The following DAB1 variants were observed in gnomAD, a reference collection of about 807,000 sequenced individuals.
DAB1 encodes disabled homolog 1.
In DAB1, 15 loss-of-function variants were observed where a neutral mutation model predicts 64.6. The ratio of observed to expected loss-of-function variants is 0.23; its 90% CI spans 0.16 to 0.36. DAB1 has a LOEUF of 0.36. Ranked by LOEUF, DAB1 falls within the 10% of genes least tolerant of loss-of-function variation. The probability of loss-of-function intolerance (pLI) is 1.00; values close to 1 mark genes in which losing one functional copy is unlikely to be tolerated. For synonymous variants in DAB1, 235 were observed against 251.9 expected, an observed-to-expected ratio of 0.93 and a Z score of 0.64; for missense variants, 596 against 706.7, an observed-to-expected ratio of 0.84 and a Z score of 1.78.
Position 57,023,652 on chromosome 1 carries a change from G to C in DAB1, c.787-13C>G, listed in dbSNP as rs755560939. The C allele has an allele frequency of 1.3e-6, 2 of 1,555,524 alleles. No homozygotes were observed. Among genetic ancestry groups the C allele is most frequent in the Middle Eastern group, 1.7e-4 (1 of 5,980 alleles). On this transcript the variant is annotated splice_polypyrimidine_tract_variant and intron_variant, in intron 10 of 14. Transcript: ENST00000371236. ...GAGTTGCAGGAGTCTGCCAGACAGA[G>C]AGAGGCAGAGGACACATGAGACCTG...
Position 57,286,620 on chromosome 1 carries a change from A to G in DAB1, c.67+4344T>C, listed in dbSNP as rs1467344877. On this transcript the variant is annotated intron_variant, in intron 2 of 14. Transcript: ENST00000371236. ...TTTAAAAAGTTAAATAATTGTAAAG[A>G]AAGTTAATATTTTCCAGAAATAGTC... Among the ~76,000 whole-genome samples, 3 of 152,244 alleles carry G rather than the reference A, an allele frequency of 2.0e-5. No individual in the cohort carries two copies. The East Asian group carries it at 5.8e-4, about 29-fold the overall frequency.
chr1:57,554,374 G>C (rs973586675), intron 7 of DAB1, among the ~76,000 whole-genome samples: 4 of 152,198 alleles, frequency 2.6e-5, no homozygotes, highest in Admixed American at 2.0e-4. Context: ...TGTAAAGTAG[G>C]CTACCTCTTT....
upstream of DAB1, among the ~76,000 whole-genome samples, chr1:57,886,650 T>C (rs1377991148): frequency 6.6e-6 from 1 of 152,204 alleles, no homozygotes; most frequent in East Asian, 1.9e-4. Flanking sequence ...AGTCACTATT[T>C]GCATGTCTTC....
chr1:58,402,184 A>C (rs1163363126), intron 3 of DAB1, among the ~76,000 whole-genome samples: 1 of 151,510 alleles, frequency 6.6e-6, no homozygotes, highest in Non-Finnish European at 1.5e-5. Context: ...CTCCAACTCC[A>C]CTCCAGCCGT....
intron 7 of DAB1, among the ~76,000 whole-genome samples, chr1:57,618,234 G>T (rs546788100): frequency 6.6e-6 from 1 of 152,104 alleles, no homozygotes; most frequent in South Asian, 2.1e-4. Flanking sequence ...AGCCAACATG[G>T]TGAAACCCCA....
At chr1:57,337,014 T>G (rs1677134262) in intron 1 of DAB1, among the ~76,000 whole-genome samples, 1 of 152,138 alleles carries the variant, frequency 6.6e-6, no homozygotes, top group East Asian at 1.9e-4. Context: ...TGTTATCCAA[T>G]CAGTGACACT....
chr1:57,005,023 A>C (rs1646015190), intron 14 of DAB1, among the ~76,000 whole-genome samples: 1 of 152,288 alleles, frequency 6.6e-6, no homozygotes, highest in Admixed American at 6.5e-5. Flanking sequence ...GGCCACTTTG[A>C]GTCTGAAAGT....
intron 2 of DAB1, among the ~76,000 whole-genome samples, chr1:57,179,432 G>T (rs1227213265): frequency 6.6e-6 from 1 of 152,198 alleles, no homozygotes; most frequent in Non-Finnish European, 1.5e-5. Context: ...GACAACAATA[G>T]GTGAGAAGTC....
intron 4 of DAB1, among the ~76,000 whole-genome samples, chr1:57,078,330 A>G (rs911968716): frequency 6.6e-6 from 1 of 152,220 alleles, no homozygotes; most frequent in African/African-American, 2.4e-5. Context: ...TGCAATTCAC[A>G]TCCAAGCTCT....
At chr1:57,571,849 G>A (rs541908613) in intron 7 of DAB1, among the ~76,000 whole-genome samples, 53 of 152,318 alleles carry the variant, frequency 3.5e-4, no homozygotes, top group Admixed American at 3.2e-3. Flanking sequence ...AGTCACTGTG[G>A]GGAAAGGCTC....
At chr1:57,129,278 C>T (rs907095268) in intron 4 of DAB1, among the ~76,000 whole-genome samples, 27 of 152,070 alleles carry the variant, frequency 1.8e-4, no homozygotes, top group Admixed American at 1.8e-3. Context: ...AGGCAGGTTC[C>T]TGACAGTGCC....
At chr1:57,472,665 C>G (rs921578958) in intron 7 of DAB1, among the ~76,000 whole-genome samples, 4 of 152,144 alleles carry the variant, frequency 2.6e-5, no homozygotes, top group Non-Finnish European at 4.4e-5. Flanking sequence ...CGCGCACCCC[C>G]TTAGAGTTGT....
chr1:57,983,297 T>C (rs979356655), intron 5 of DAB1, among the ~76,000 whole-genome samples: 32 of 152,250 alleles, frequency 2.1e-4, no homozygotes, highest in African/African-American at 7.7e-4. Context: ...AGCCCACATA[T>C]AAAGCTTGTG....
chr1:57,056,333 TAAAAAA>T (rs903018252), intron 9 of DAB1, among the ~76,000 whole-genome samples: 32 of 117,290 alleles, frequency 2.7e-4, no homozygotes, highest in Non-Finnish European at 4.4e-4. Flanking sequence ...TCCTCATCTT[TAAAAAA>T]AAAAAAAAAA....
chr1:57,601,465 G>C (rs1478647793), intron 7 of DAB1, among the ~76,000 whole-genome samples: 1 of 152,126 alleles, frequency 6.6e-6, no homozygotes. Context: ...CTACTTGGGA[G>C]GCTGAGGTAT....
intron 4 of DAB1, among the ~76,000 whole-genome samples, chr1:58,322,131 A>G (rs1308200484): frequency 1.3e-5 from 2 of 152,246 alleles, no homozygotes; most frequent in Non-Finnish European, 2.9e-5. Context: ...TAAAACCATA[A>G]AAACCCTAGA....
chr1:57,575,895 T>C (rs2101541812), intron 7 of DAB1, among the ~76,000 whole-genome samples: 1 of 152,312 alleles, frequency 6.6e-6, no homozygotes, highest in Admixed American at 6.5e-5. Flanking sequence ...GGAGGAATTG[T>C]ACCTAGGTGG....
chr1:57,873,767 T>C (rs971005892), intron 1 of DAB1, among the ~76,000 whole-genome samples: 10 of 152,276 alleles, frequency 6.6e-5, no homozygotes, highest in South Asian at 2.1e-4. Context: ...ATTCGTCTTA[T>C]AGGATTATTG....
chr1:58,226,922 T>C (rs1659528145), intron 4 of DAB1, among the ~76,000 whole-genome samples: 1 of 152,178 alleles, frequency 6.6e-6, no homozygotes, highest in Non-Finnish European at 1.5e-5. Flanking sequence ...CAGTGTTTAT[T>C]GAGAATATTT....
Sources: gnomAD v4.1 joint callset for allele counts (sites outside exome capture counted in the v4.1 genomes callset) on GRCh38, gnomAD v4.1.1 for gene constraint, MANE v1.5 for transcripts, NCBI Gene and HGNC (gene_info 2026-07-23, HGNC 2026-07-21) for gene names.